The following ADGB variants were observed in gnomAD, a reference collection of about 807,000 sequenced individuals.
The protein encoded by ADGB is androglobin, also known as calpain-7-like protein.
In ADGB, 172 loss-of-function variants were observed where a neutral mutation model predicts 210.5. The ratio of observed to expected loss-of-function variants is 0.82; its 90% CI spans 0.72 to 0.93. ADGB has a LOEUF of 0.93. ADGB is among the 40% of genes least tolerant of loss of function. The probability of loss-of-function intolerance (pLI) is 0.00; values close to 1 mark genes in which losing one functional copy is unlikely to be tolerated. For missense variants in ADGB, 2,025 were observed against 1,964.8 expected, an observed-to-expected ratio of 1.03 and a Z score of -0.58; for synonymous variants, 658 against 662.7, an observed-to-expected ratio of 0.99 and a Z score of 0.11.
intron 31 of ADGB, among the ~76,000 whole-genome samples, chr6:146,785,013 A>G (rs944172906): frequency 6.6e-6 from 1 of 152,176 alleles, no homozygotes; most frequent in African/African-American, 2.4e-5. Flanking sequence ...AACAAAGCAC[A>G]TGGTGGTACC....
intron 1 of ADGB, among the ~76,000 whole-genome samples, chr6:146,624,661 T>C (rs530117483): frequency 6.6e-6 from 1 of 152,054 alleles, no homozygotes; most frequent in South Asian, 2.1e-4. Context: ...TTGCTCTTTT[T>C]TTCTTACTTA....
chr6:146,618,145 C>T (rs559778328), intron 1 of ADGB, among the ~76,000 whole-genome samples: 64 of 151,860 alleles, frequency 4.2e-4, no homozygotes, highest in Non-Finnish European at 8.0e-4. Flanking sequence ...ATAAAGGTCT[C>T]CATCATAACA....
intron 5 of ADGB, among the ~76,000 whole-genome samples, chr6:146,660,612 T>A (rs555277771): frequency 6.6e-6 from 1 of 152,168 alleles, no homozygotes; most frequent in African/African-American, 2.4e-5. Flanking sequence ...GTGTGAGATA[T>A]GTAAATATAA....
At chr6:146,680,250 C>A (rs1228892098) in intron 9 of ADGB, among the ~76,000 whole-genome samples, 1 of 152,138 alleles carries the variant, frequency 6.6e-6, no homozygotes, top group East Asian at 1.9e-4. Flanking sequence ...TTACAATTCC[C>A]TTTTTGCTAG....
intron 29 of ADGB, among the ~76,000 whole-genome samples, chr6:146,780,308 T>C (rs1777780191): frequency 6.6e-6 from 1 of 151,960 alleles, no homozygotes; most frequent in South Asian, 2.1e-4. Context: ...AAACAAGGTG[T>C]AGTGCATAAG....
intron 18 of ADGB, chr6:146,724,566 T>C (rs1169640317): frequency 1.3e-5 from 4 of 303,166 alleles, no homozygotes; most frequent in African/African-American, 2.2e-5. Flanking sequence ...TGGGAATATA[T>C]TTAGTCAACA....
In ADGB at chr6:146,801,950, T is replaced by C. The variant is rs190201915; in HGVS notation, c.4757T>C (p.Ile1586Thr). 1.2e-4 allele frequency: 179 copies of C among 1,550,694 alleles called. No homozygotes were observed. In the East Asian group the frequency reaches 3.5e-3, roughly 30 times the overall value. ...ACCAGAGTCCTTAGCATTCGAAACA[T>C]TGACCAAGAAGAGCGGTTGAAGTTA... ...HRTRVLSIRNIDQEERLKLKD... is the reference protein window; with the variant it reads ...HRTRVLSIRNTDQEERLKLKD... Residue 1586 changes from isoleucine (I) to threonine (T), a missense_variant, in exon 35 of 36, where the codon ATT (isoleucine) becomes ACT (threonine). Physicochemically the swap from Ile to Thr is moderately conservative, Grantham distance 89 (BLOSUM62 -1). Coordinates refer to ENST00000397944, the MANE Select transcript of ADGB (RefSeq NM_024694.4).
At chr6:146,612,306 A>C (rs1333722290) in intron 1 of ADGB, among the ~76,000 whole-genome samples, 1 of 152,208 alleles carries the variant, frequency 6.6e-6, no homozygotes, top group Admixed American at 6.5e-5. Flanking sequence ...GATTAAGCTC[A>C]TGTTCAAGTG....
chr6:146,781,260 G>A (rs1317010805), intron 29 of ADGB, among the ~76,000 whole-genome samples: 5 of 150,920 alleles, frequency 3.3e-5, no homozygotes, highest in Admixed American at 1.3e-4. Flanking sequence ...GGACAATGGC[G>A]TGAACCCGGG....
rs1290267587 is a variant in ADGB at position 146,719,987 on chromosome 6, G to T, written c.1993-1416G>T. Among the ~76,000 whole-genome samples the T allele has an allele frequency of 4.6e-5, 7 of 152,216 alleles. No individual in the cohort carries two copies. The East Asian group carries it at 7.7e-4, about 17-fold the overall frequency. The stretch of plus-strand genomic sequence containing the variant: ...GTATCAAGCATTTCTAGCAATCTTT[G>T]TTATAGTTGATTAAATAACAAGGCT... On this transcript the variant is annotated intron_variant, in intron 16 of 35. Transcript: ENST00000397944.
rs912701769 is a variant in ADGB at position 146,815,323 on chromosome 6, T to G, written c.*106T>G. On this transcript the variant is annotated 3_prime_UTR_variant, in exon 36 of 36. Coordinates refer to ENST00000397944, the MANE Select transcript of ADGB (RefSeq NM_024694.4). ...ATTAGGCCAAATGAAAATAGAAATT[T>G]CTCTTTCTTAGAAATATTTTAATGC... The G allele has an allele frequency of 9.6e-5, 85 of 883,518 alleles. 1 individual carries two copies. Among genetic ancestry groups the G allele is most frequent in the East Asian group, 3.3e-4 (10 of 30,296 alleles). The allele number at this position is 883,518 out of a possible 1,614,324, so 54.7% of individuals were successfully genotyped here. A position where few individuals can be genotyped will look rare whatever the true frequency, so the allele number is the denominator to read the frequency against.
chr6:146,716,904 T>G lies in ADGB; in HGVS notation c.1763T>G (p.Phe588Cys), dbSNP rs1206892797. The G allele has an allele frequency of 6.5e-7, 1 of 1,549,188 alleles. No homozygotes were observed. Among genetic ancestry groups the G allele is most frequent in the Admixed American group, 2.0e-5 (1 of 50,712 alleles). Residue 588 changes from phenylalanine (F) to cysteine (C), a missense_variant, in exon 15 of 36, where the codon TTT (phenylalanine) becomes TGT (cysteine). Coordinates refer to ENST00000397944, the MANE Select transcript of ADGB (RefSeq NM_024694.4). ...LGKGTDEQTD[F>C]GLGDAHQSDG... Reference sequence around the variant, plus strand: ...CTAGGCACAGATGAACAAACAGACTTTGGATTGGGTGATGCTCATCAGAGT... The same window carrying G: ...CTAGGCACAGATGAACAAACAGACTGTGGATTGGGTGATGCTCATCAGAGT...
intron 20 of ADGB, among the ~76,000 whole-genome samples, chr6:146,730,816 G>C (rs530723491): frequency 6.6e-6 from 1 of 152,264 alleles, no homozygotes; most frequent in African/African-American, 2.4e-5. Context: ...GTGGGCACCT[G>C]TAATCCCAGC....
rs559548164 is a variant in ADGB, at chr6:146,794,729, T to C, written c.4537+6119T>C. On this transcript the variant is annotated intron_variant, in intron 33 of 35. Transcript: ENST00000397944. ...GCAACAATAAACTAGAAAAAAATTA[T>C]TAAAATGTTTCAGAAACCTAAAAAT... Among the ~76,000 whole-genome samples, 5 of 152,182 alleles carry C rather than the reference T, an allele frequency of 3.3e-5. No homozygotes were observed. In the South Asian group the frequency reaches 1.0e-3, roughly 32 times the overall value.
chr6:146,766,141 C>T (rs1179415462), intron 28 of ADGB, among the ~76,000 whole-genome samples: 3 of 151,010 alleles, frequency 2.0e-5, no homozygotes, highest in Non-Finnish European at 3.0e-5. Flanking sequence ...GTGAGGGGGG[C>T]GGTGAGCGCA....
chr6:146,802,703 C>T (rs1778151767), intron 35 of ADGB: 1 of 1,162,728 alleles, frequency 8.6e-7, no homozygotes, highest in Non-Finnish European at 1.2e-6. Flanking sequence ...ATTTCTTCCA[C>T]AGTTCACAGT....
intron 5 of ADGB, among the ~76,000 whole-genome samples, chr6:146,661,488 G>T (rs1242723289): frequency 1.3e-5 from 2 of 151,750 alleles, no homozygotes; most frequent in East Asian, 3.9e-4. Context: ...AAAGTGTTGG[G>T]ATTACAGGTG....
intron 29 of ADGB, among the ~76,000 whole-genome samples, chr6:146,781,171 CAAAA>C (rs71031009): frequency 0.012 from 1,076 of 90,954 alleles, 16 homozygotes; most frequent in African/African-American, 0.041. Context: ...ACTAAAAATA[CAAAA>C]AAAAAAAAAA....
intron 1 of ADGB, among the ~76,000 whole-genome samples, chr6:146,606,832 C>T (rs1424369484): frequency 6.6e-6 from 1 of 152,112 alleles, no homozygotes; most frequent in Non-Finnish European, 1.5e-5. Flanking sequence ...AGTTGGCAAA[C>T]ATGATGCCTC....
Sources: allele counts gnomAD v4.1 joint callset (sites outside exome capture counted in the v4.1 genomes callset), GRCh38; gene constraint gnomAD v4.1.1; transcripts MANE v1.5; gene names NCBI Gene and HGNC (gene_info 2026-07-23, HGNC 2026-07-21).